TTC34: variants seen among roughly 807,000 people sequenced by gnomAD.
TTC34 encodes tetratricopeptide repeat protein 34.
TTC34 carries 44 observed loss-of-function variants against 40.7 expected under a neutral mutation model. That is an observed-to-expected ratio of 1.08 (90% CI 0.85 to 1.39). TTC34 has a LOEUF of 1.39. TTC34 is among the 40% of genes most tolerant of loss of function. TTC34 has a pLI of 0.00. For synonymous variants in TTC34, 422 were observed against 398.6 expected (o/e 1.06, Z -0.70); for missense variants, 884 against 838.0 (o/e 1.05, Z -0.68).
chr1:2,784,531 G>A (rs544656181), intron 5 of TTC34, among the ~76,000 whole-genome samples: 26 of 152,100 alleles, frequency 1.7e-4, no homozygotes, highest in African/African-American at 5.5e-4. Context: ...TCCCTTTCCC[G>A]GTCTGCTCAG....
intron 6 of TTC34, among the ~76,000 whole-genome samples, chr1:2,655,586 T>C (rs1639315564): frequency 1.5e-5 from 2 of 133,416 alleles, no homozygotes; most frequent in Admixed American, 1.6e-4. Flanking sequence ...CAGGTTAGCA[T>C]CTGACAGCCT....
intron 6 of TTC34, chr1:2,776,082 A>T (rs1643130226): frequency 7.2e-6 from 1 of 138,788 alleles, no homozygotes; most frequent in South Asian, 2.4e-4. Context: ...AGAACCCCAC[A>T]ACTTCAAATA....
chr1:2,755,062 C>T, intron 6 of TTC34, among the ~76,000 whole-genome samples: 3 of 70,752 alleles, frequency 4.2e-5, no homozygotes, highest in East Asian at 8.1e-4. Flanking sequence ...ACCCTGCACC[C>T]CCAGGTGCGC....
intron 6 of TTC34, among the ~76,000 whole-genome samples, chr1:2,685,080 C>G (rs28410393): frequency 0.15 from 20,047 of 136,212 alleles, 1,654 homozygotes; most frequent in South Asian, 0.21. Flanking sequence ...AGCCTGCACC[C>G]CCAGGTGTGC....
intron 6 of TTC34, among the ~76,000 whole-genome samples, chr1:2,691,142 G>C (rs796107170): frequency 4.9e-4 from 18 of 36,570 alleles, no homozygotes; most frequent in Middle Eastern, 0.029. Context: ...AACCCACACC[G>C]CCAGGGGAGT....
At chr1:2,648,715 T>G (rs1011845641) in intron 6 of TTC34, among the ~76,000 whole-genome samples, 8 of 145,918 alleles carry the variant, frequency 5.5e-5, no homozygotes, top group Non-Finnish European at 1.0e-4. Context: ...CACCCACAGG[T>G]GAGCATCTGA....
At position 2,800,878 on chromosome 1, in the gene TTC34, G is replaced by T; in HGVS notation, c.-41-10C>A. The T allele has an allele frequency of 2.5e-6, 1 of 398,578 alleles. No individual in the cohort carries two copies. The highest frequency in any genetic ancestry group is 1.3e-4 in the South Asian group (1 of 7,840). The allele number at this position is 398,578 out of a possible 1,614,324, so 24.7% of individuals were successfully genotyped here. A position where few individuals can be genotyped will look rare whatever the true frequency, so the allele number is the denominator to read the frequency against. On this transcript the variant is annotated splice_polypyrimidine_tract_variant and intron_variant, in intron 1 of 8. Transcript: ENST00000401095. ...CTGGTCCTCAGAGTACCTGGGGGTG[G>T]GGGAGCATGGTGAGTCCACAGAGGG...
At chr1:2,795,088 A>C (rs1224549454) in intron 2 of TTC34, among the ~76,000 whole-genome samples, 1 of 49,982 alleles carries the variant, frequency 2.0e-5, no homozygotes, top group East Asian at 5.3e-4. Context: ...CATCTCTACA[A>C]AAAAAAAAAA....
intron 3 of TTC34, among the ~76,000 whole-genome samples, chr1:2,788,789 G>A (rs185095040): frequency 6.6e-6 from 1 of 152,238 alleles, no homozygotes; most frequent in Non-Finnish European, 1.5e-5. Context: ...CATTACCCAC[G>A]AGGGATTACA....
intron 6 of TTC34, among the ~76,000 whole-genome samples, chr1:2,691,939 G>C (rs774778389): frequency 1.3e-4 from 7 of 53,188 alleles, no homozygotes; most frequent in East Asian, 1.4e-3. Context: ...GGAACACCAC[G>C]CACAACCCCA....
chr1:2,794,244 G>A (rs1643692599), intron 2 of TTC34, among the ~76,000 whole-genome samples: 1 of 152,096 alleles, frequency 6.6e-6, no homozygotes, highest in Non-Finnish European at 1.5e-5. Flanking sequence ...TGAGCTCAAG[G>A]GTTCCTCCTG....
intron 3 of TTC34, among the ~76,000 whole-genome samples, chr1:2,789,275 T>G (rs896536289): frequency 6.6e-6 from 1 of 152,150 alleles, no homozygotes; most frequent in Non-Finnish European, 1.5e-5. Context: ...CTATTTTACA[T>G]GCACCAAACG....
At chr1:2,651,557 T>C (rs1181753319) in intron 6 of TTC34, among the ~76,000 whole-genome samples, 1 of 147,696 alleles carries the variant, frequency 6.8e-6, no homozygotes. Context: ...AGCACTTCAA[T>C]CTTCAGCTGA....
At chr1:2,692,454 G>C (rs1369048859) in intron 6 of TTC34, among the ~76,000 whole-genome samples, 2 of 135,914 alleles carry the variant, frequency 1.5e-5, no homozygotes, top group African/African-American at 5.6e-5. Flanking sequence ...GCCTGGAGCA[G>C]CACCCACACC....
chr1:2,640,094 G>A (rs1638871941), exon 9 of TTC34: 1 of 152,438 alleles, frequency 6.6e-6, no homozygotes, highest in East Asian at 1.9e-4. Flanking sequence ...CGGCAGAGAA[G>A]GGGACAGAAA....
intron 6 of TTC34, among the ~76,000 whole-genome samples, chr1:2,755,681 C>A (rs1482396007): frequency 2.9e-4 from 2 of 6,828 alleles, no homozygotes; most frequent in Non-Finnish European, 5.2e-4. Context: ...GAGCATCTGA[C>A]ATCGTGGAGC....
chr1:2,637,972 A>G (rs1206602709), exon 9 of TTC34: 1 of 152,200 alleles, frequency 6.6e-6, no homozygotes, highest in Non-Finnish European at 1.5e-5. Flanking sequence ...GAAGCTGAGA[A>G]TTGTGAACCC....
At chr1:2,785,759 C>G in intron 5 of TTC34, 60 bp downstream of exon 5, 1 of 1,490,504 alleles carries the variant, frequency 6.7e-7, no homozygotes, top group Non-Finnish European at 9.0e-7. Flanking sequence ...GGCAGAGACT[C>G]CCCATGTCCC....
At chr1:2,797,649 C>T (rs1443217127) in intron 2 of TTC34, among the ~76,000 whole-genome samples, 1 of 152,128 alleles carries the variant, frequency 6.6e-6, no homozygotes, top group East Asian at 1.9e-4. Flanking sequence ...AGCCTCGTCT[C>T]AGGCACTCAG....
Sources: gnomAD v4.1 joint callset for allele counts (sites outside exome capture counted in the v4.1 genomes callset) on GRCh38, gnomAD v4.1.1 for gene constraint, MANE v1.5 for transcripts, NCBI Gene and HGNC (gene_info 2026-07-23, HGNC 2026-07-21) for gene names.